COX15: variants seen among roughly 807,000 people sequenced by gnomAD.
The protein encoded by COX15 is cytochrome c oxidase assembly factor COX15.
A neutral mutation model predicts 51.9 loss-of-function variants in COX15; 51 were observed. The observed-to-expected ratio is 0.98, with a 90% CI of 0.78 to 1.24. COX15 has a LOEUF of 1.24. Ranked by LOEUF, COX15 falls within the 50% of genes most tolerant of loss-of-function variation. COX15 has a pLI of 0.00. For missense variants in COX15, 420 were observed against 501.1 expected, an observed-to-expected ratio of 0.84 and a Z score of 1.55; for synonymous variants, 188 against 190.5, an observed-to-expected ratio of 0.99 and a Z score of 0.11.
At chr10:99,708,722 A>G, downstream of COX15, 1 of 561,628 alleles carries the variant, frequency 1.8e-6, no homozygotes. Flanking sequence ...ATTTCAGAAG[A>G]GTTTTAAAGC....
Position 99,724,194 on chromosome 10 carries a change from G to GT in COX15, c.583-72dup, listed in dbSNP as rs368296962. 1,150 of 1,571,974 alleles carry GT rather than the reference G, an allele frequency of 7.3e-4. 4 individuals carry two copies. In the African/African-American group the frequency reaches 0.011, roughly 16 times the overall value. ...TCTGTTCAACTTTCTTTTTTTTGTT[G>GT]TTTTTTTGAGACAGAGTCTCACTCT... On this transcript the variant is annotated intron_variant, in intron 4 of 8. Coordinates refer to ENST00000016171, the MANE Select transcript of COX15 (RefSeq NM_078470.6).
chr10:99,727,980 T>A (rs2037016620), intron 2 of COX15, among the ~76,000 whole-genome samples: 1 of 152,228 alleles, frequency 6.6e-6, no homozygotes, highest in Admixed American at 6.5e-5. Context: ...AAAATTCAAA[T>A]TTGTTTCACT....
At chr10:99,715,292 C>T (rs2036531336) in intron 8 of COX15, among the ~76,000 whole-genome samples, 3 of 151,898 alleles carry the variant, frequency 2.0e-5, no homozygotes, top group Admixed American at 2.0e-4. Flanking sequence ...CGTGTGCCAC[C>T]CCGCCTGGCT....
downstream of COX15, chr10:99,706,221 A>G (rs1166669381): frequency 6.6e-6 from 1 of 152,240 alleles, no homozygotes; most frequent in African/African-American, 2.4e-5. Context: ...CATCCTAGAA[A>G]TAAACTAAGA....
In COX15 at chr10:99,713,421, T is replaced by A. The variant is rs146008497; in HGVS notation, c.*1166A>T. 4 of 1,613,908 alleles carry A rather than the reference T, an allele frequency of 2.5e-6. No individual in the cohort carries two copies. In the African/African-American group the frequency reaches 5.3e-5, roughly 22 times the overall value. ...GGTTGCTCCATCCTCAAATCAGATG[T>A]TTCTGATGCCTTCATCCAAATCACT... On this transcript the variant is annotated 3_prime_UTR_variant, in exon 9 of 9. Transcript: ENST00000016171.
intron 2 of COX15, among the ~76,000 whole-genome samples, chr10:99,727,893 C>A (rs537552141): frequency 6.6e-6 from 1 of 152,050 alleles, no homozygotes; most frequent in South Asian, 2.1e-4. Flanking sequence ...AAATGCATAA[C>A]CAACATTCCT....
downstream of COX15, chr10:99,710,394 A>G: frequency 8.1e-6 from 8 of 985,148 alleles, no homozygotes; most frequent in Non-Finnish European, 9.6e-6. Context: ...CTTTATTTCT[A>G]CCTTGATCAA....
chr10:99,731,975 T>C lies in COX15; in HGVS notation c.75A>G (p.Ala25=). The change falls in exon 1 of 9, where the codon GCA becomes GCG. Residue 25 remains alanine (A), a synonymous_variant. Coordinates refer to ENST00000016171, the MANE Select transcript of COX15 (RefSeq NM_078470.6). ...RQYLPLLAPR[A]APRAQCDCIR... ...AGTGCGGTACCTGTGCTCTAGGCGC[T>C]GCCCTAGGAGCCAGGAGCGGCAGAT... is the stretch of plus-strand genomic sequence containing the variant. The C allele has an allele frequency of 3.1e-6, 5 of 1,611,732 alleles. No individual in the cohort carries two copies. Among genetic ancestry groups the C allele is most frequent in the Non-Finnish European group, 4.2e-6 (5 of 1,179,236 alleles).
intron 2 of COX15, 58 bp from the exon 3 acceptor site, chr10:99,727,621 G>C: frequency 6.3e-7 from 1 of 1,585,560 alleles, no homozygotes; most frequent in Non-Finnish European, 8.6e-7. Flanking sequence ...CTCACAAAAG[G>C]TTTATAGCAA....
intron 8 of COX15, among the ~76,000 whole-genome samples, chr10:99,714,942 C>T (rs2036518478): frequency 6.6e-6 from 1 of 152,196 alleles, no homozygotes; most frequent in Non-Finnish European, 1.5e-5. Context: ...CCCAGTTCCC[C>T]AGAGTAGTCA....
chr10:99,712,980 T>C lies in COX15; in HGVS notation c.*1607A>G, dbSNP rs2036443699. ...AAATATCCCTAGTTCCTTCACCTAT[T>C]CCCTGTGTGACAGGGGTTCTGGACT... On this transcript the variant is annotated 3_prime_UTR_variant, in exon 9 of 9. Coordinates refer to ENST00000016171, the MANE Select transcript of COX15 (RefSeq NM_078470.6). 2.0e-6 allele frequency: 2 copies of C among 1,010,760 alleles called. No individual in the cohort carries two copies. Among genetic ancestry groups the C allele is most frequent in the South Asian group, 3.4e-5 (1 of 29,436 alleles). The allele number at this position is 1,010,760 out of a possible 1,614,324, so 62.6% of individuals were successfully genotyped here.
In COX15 at chr10:99,712,949, C is replaced by T; in HGVS notation, c.*1638G>A. On this transcript the variant is annotated 3_prime_UTR_variant, in exon 9 of 9. Coordinates refer to ENST00000016171, the MANE Select transcript of COX15 (RefSeq NM_078470.6). ...GCTCTCTCTCCAGATGTTCTCTGCT[C>T]CAGTTAAATATCCCTAGTTCCTTCA... The T allele has an allele frequency of 1.1e-6, 1 of 914,908 alleles. No homozygotes were observed. Among genetic ancestry groups the T allele is most frequent in the Non-Finnish European group, 1.3e-6 (1 of 758,702 alleles). The allele number at this position is 914,908 out of a possible 1,614,324, so 56.7% of individuals were successfully genotyped here. A position where few individuals can be genotyped will look rare whatever the true frequency, so the allele number is the denominator to read the frequency against.
rs546862921 is a variant in COX15 at position 99,732,121 on chromosome 10, G to A, written c.-72C>T. ...GGTCTCCCTCCTCCGCCAAGGAAAA[G>A]AGAAGCACTTCCGGGTCGGGCAGCG... is the stretch of plus-strand genomic sequence containing the variant. On this transcript the variant is annotated 5_prime_UTR_variant, in exon 1 of 9. Transcript: ENST00000016171. The A allele has an allele frequency of 1.2e-4, 185 of 1,567,088 alleles. No homozygotes were observed. In the African/African-American group the frequency reaches 2.4e-3, roughly 20 times the overall value.
chr10:99,729,342 C>T (rs2037060494), intron 2 of COX15, among the ~76,000 whole-genome samples: 2 of 151,912 alleles, frequency 1.3e-5, no homozygotes, highest in African/African-American at 4.8e-5. Flanking sequence ...CGCGCCTAGT[C>T]CCAGCTACTT....
chr10:99,695,339 A>G, the COX15 span, among the ~76,000 whole-genome samples: 9 of 152,088 alleles, frequency 5.9e-5, no homozygotes, highest in Non-Finnish European at 1.3e-4. Flanking sequence ...CCTGGCCAAC[A>G]TGGTGAAACC....
intron 1 of COX15, among the ~76,000 whole-genome samples, chr10:99,731,652 T>C (rs1057354552): frequency 1.3e-5 from 2 of 152,234 alleles, no homozygotes; most frequent in Non-Finnish European, 2.9e-5. Context: ...TACTCAGCTT[T>C]TACCATGTGC....
At chr10:99,727,345 G>A (rs1448353373) in intron 3 of COX15, 96 bp downstream of exon 3, 55 of 1,555,478 alleles carry the variant, frequency 3.5e-5, no homozygotes, top group South Asian at 2.5e-4. Flanking sequence ...TAACTGAACC[G>A]AAGTTCATGA....
rs2036418359 is a variant in COX15 at position 99,712,251 on chromosome 10, C to T, written c.*2336G>A. On this transcript the variant is annotated 3_prime_UTR_variant, in exon 9 of 9. Coordinates refer to ENST00000016171, the MANE Select transcript of COX15 (RefSeq NM_078470.6). ...AATGGTACACTACAGGTCACAGAAA[C>T]TTACAGAGTACTGGAGTTGAAAGAG... The T allele has an allele frequency of 1.0e-6, 1 of 985,356 alleles. No individual in the cohort carries two copies. The highest frequency in any genetic ancestry group is 1.7e-5 in the African/African-American group (1 of 57,238). 61.0% of individuals were successfully genotyped at this position (985,356 alleles called of 1,614,324 possible).
chr10:99,713,467 A>G lies in COX15; in HGVS notation c.*1120T>C, dbSNP rs1452740270. ...TCACTGATTTTAAAAGTAAAGTTGA[A>G]TAAGACAGGGCCCTATGAAATATCA... On this transcript the variant is annotated 3_prime_UTR_variant, in exon 9 of 9. Coordinates refer to ENST00000016171, the MANE Select transcript of COX15 (RefSeq NM_078470.6). 4 of 1,613,440 alleles carry G rather than the reference A, an allele frequency of 2.5e-6. No homozygotes were observed. Among genetic ancestry groups the G allele is most frequent in the African/African-American group, 1.3e-5 (1 of 74,902 alleles).
Sources: allele counts gnomAD v4.1 joint callset (sites outside exome capture counted in the v4.1 genomes callset), GRCh38; gene constraint gnomAD v4.1.1; transcripts MANE v1.5; gene names NCBI Gene and HGNC (gene_info 2026-07-23, HGNC 2026-07-21).